Variants in BCL2 observed in about 807,000 individuals in gnomAD.
The protein encoded by BCL2 is apoptosis regulator Bcl-2.
BCL2 carries 1 observed loss-of-function variant against 14.2 expected under a neutral mutation model. The ratio of observed to expected loss-of-function variants is 0.07; its 90% CI spans 0.02 to 0.33. The LOEUF (loss-of-function observed/expected upper bound fraction) is 0.33, where lower values mean the gene tolerates loss of function less well. Ranked by LOEUF, BCL2 falls within the 10% of genes least tolerant of loss-of-function variation. The pLI is 0.99. For synonymous variants in BCL2, 151 were observed against 137.2 expected (o/e 1.10, Z -0.70); for missense variants, 247 against 305.9 (o/e 0.81, Z 1.44).
intron 2 of BCL2, among the ~76,000 whole-genome samples, chr18:63,293,908 T>C (rs918982923): frequency 6.6e-6 from 1 of 152,176 alleles, no homozygotes; most frequent in Non-Finnish European, 1.5e-5. Context: ...CTTTAAATCT[T>C]TTTTAGGAAG....
chr18:63,240,455 C>G (rs530152051), intron 2 of BCL2, among the ~76,000 whole-genome samples: 2 of 152,280 alleles, frequency 1.3e-5, no homozygotes, highest in African/African-American at 4.8e-5. Context: ...TTCAAATGTT[C>G]AAAAATTTTC....
intron 2 of BCL2, among the ~76,000 whole-genome samples, chr18:63,145,777 T>C (rs923359191): frequency 2.0e-5 from 3 of 152,194 alleles, no homozygotes; most frequent in African/African-American, 4.8e-5. Context: ...ACATCTCTAA[T>C]ACACCAAATT....
At chr18:63,182,533 T>TC (rs1435647639) in intron 2 of BCL2, among the ~76,000 whole-genome samples, 1 of 152,090 alleles carries the variant, frequency 6.6e-6, no homozygotes, top group Non-Finnish European at 1.5e-5. Context: ...CATATGCTGC[T>TC]CCCTTGAGAC....
intron 2 of BCL2, among the ~76,000 whole-genome samples, chr18:63,186,911 G>A (rs1159007391): frequency 6.6e-6 from 1 of 152,152 alleles, no homozygotes; most frequent in East Asian, 1.9e-4. Flanking sequence ...TTTTTGTCCT[G>A]ACAAATAAAA....
intron 2 of BCL2, among the ~76,000 whole-genome samples, chr18:63,157,427 T>G (rs1914812628): frequency 6.6e-6 from 1 of 152,212 alleles, no homozygotes; most frequent in East Asian, 1.9e-4. Context: ...GGTGGCTTAT[T>G]TCATGGAAAC....
rs1914581683 is a variant in BCL2, at chr18:63,149,062, G to A, written c.586-20303C>T. Among the ~76,000 whole-genome samples, 1 of 152,224 alleles carries A rather than the reference G, an allele frequency of 6.6e-6. No individual in the cohort carries two copies. The highest frequency in any genetic ancestry group is 2.4e-5 in the African/African-American group (1 of 41,464). ...CCACGAAGTCATAAGTGTGCATGGA[G>A]CAGCGACGTGCTTATGCTGACACCT... is the stretch of plus-strand genomic sequence containing the variant. On this transcript the variant is annotated intron_variant, in intron 2 of 2. Coordinates refer to ENST00000333681, the MANE Select transcript of BCL2 (RefSeq NM_000633.3). The surrounding 1 kb of genome is among the most constrained non-coding windows in gnomAD (Gnocchi z 4.2).
At chr18:63,178,427 A>C (rs2144638733) in intron 2 of BCL2, among the ~76,000 whole-genome samples, 1 of 152,310 alleles carries the variant, frequency 6.6e-6, no homozygotes, top group African/African-American at 2.4e-5. Context: ...CGGTTTATGG[A>C]TGTGGGCGAA....
At chr18:63,192,696 G>A (rs185562963) in intron 2 of BCL2, among the ~76,000 whole-genome samples, 7 of 152,186 alleles carry the variant, frequency 4.6e-5, no homozygotes, top group African/African-American at 1.7e-4. Flanking sequence ...CATTGCATCA[G>A]CTCCAACCTG....
At position 63,136,190 on chromosome 18, in the gene BCL2, CTTGGTCTT is replaced by C. The variant is rs1416404562; in HGVS notation, c.586-7439_586-7432del. Among the ~76,000 whole-genome samples, 5 of 152,202 alleles carry C rather than the reference CTTGGTCTT, an allele frequency of 3.3e-5. 1 individual carries two copies. The South Asian group carries it at 6.2e-4, about 19-fold the overall frequency. ...CTCTTTGACCAATCTCTTTCACTCTCTTGGTCTTATATACCACCCCTATGATAATGTTC... is the reference window on the plus strand; with the variant it reads ...CTCTTTGACCAATCTCTTTCACTCTCATATACCACCCCTATGATAATGTTC... On this transcript the variant is annotated intron_variant, in intron 2 of 2. Coordinates refer to ENST00000333681, the MANE Select transcript of BCL2 (RefSeq NM_000633.3).
chr18:63,166,684 T>C (rs1424841150), intron 2 of BCL2, among the ~76,000 whole-genome samples: 1 of 152,222 alleles, frequency 6.6e-6, no homozygotes, highest in East Asian at 1.9e-4. Context: ...GGGCAGATGC[T>C]ATCACTGTAT....
Position 63,168,549 on chromosome 18 carries a change from G to A in BCL2, c.586-39790C>T, listed in dbSNP as rs117952617. ...CTAACACGGACTGATGACTCTGCAT[G>A]GAGAGTCACAGGAGGCTTATCGTCA... On this transcript the variant is annotated intron_variant, in intron 2 of 2. Coordinates refer to ENST00000333681, the MANE Select transcript of BCL2 (RefSeq NM_000633.3). 6.5e-4 allele frequency among the ~76,000 whole-genome samples: 99 copies of A among 152,290 alleles called. No individual in the cohort carries two copies. In the East Asian group the frequency reaches 0.018, roughly 28 times the overall value.
intron 2 of BCL2, among the ~76,000 whole-genome samples, chr18:63,290,648 A>C (rs946082747): frequency 2.6e-5 from 4 of 152,230 alleles, no homozygotes; most frequent in Non-Finnish European, 5.9e-5. Flanking sequence ...TGAATGAGAT[A>C]GCAGGATGGA....
chr18:63,302,296 C>T lies in BCL2; in HGVS notation c.585+15786G>A, dbSNP rs529406859. 77 of 952,722 alleles carry T rather than the reference C, an allele frequency of 8.1e-5. No homozygotes were observed. The South Asian group carries it at 3.3e-3, about 41-fold the overall frequency. 59.0% of individuals were successfully genotyped at this position (952,722 alleles called of 1,614,324 possible). On this transcript the variant is annotated intron_variant, in intron 2 of 2. Transcript: ENST00000333681. Reference sequence around the variant, plus strand: ...AGCCTGGGCAACAAGAGCAAAACTCCTTCTCAAAAAAAAAAAAAAGAGAGA... The same window carrying T: ...AGCCTGGGCAACAAGAGCAAAACTCTTTCTCAAAAAAAAAAAAAAGAGAGA...
chr18:63,127,593 G>C lies in BCL2; in HGVS notation c.*1032C>G. The C allele has an allele frequency of 4.3e-6, 1 of 231,056 alleles. No individual in the cohort carries two copies. Among genetic ancestry groups the C allele is most frequent in the Non-Finnish European group, 8.6e-6 (1 of 116,598 alleles). The allele number at this position is 231,056 out of a possible 1,614,324, so 14.3% of individuals were successfully genotyped here. ...GATCATCCCTGGAGGAGGCCAGTGA[G>C]GGCCCCGGCTCAGTTCCAGGACCAG... is the stretch of plus-strand genomic sequence containing the variant. On this transcript the variant is annotated 3_prime_UTR_variant, in exon 3 of 3. Coordinates refer to ENST00000333681, the MANE Select transcript of BCL2 (RefSeq NM_000633.3).
At chr18:63,305,271 T>C (rs1475901477) in intron 2 of BCL2, among the ~76,000 whole-genome samples, 2 of 152,234 alleles carry the variant, frequency 1.3e-5, no homozygotes, top group African/African-American at 4.8e-5. Context: ...CAAAATGCAA[T>C]ATATTTCAGT....
At chr18:63,289,761 G>GTGCA (rs1410769630) in intron 2 of BCL2, among the ~76,000 whole-genome samples, 2 of 152,154 alleles carry the variant, frequency 1.3e-5, no homozygotes, top group East Asian at 3.9e-4. Flanking sequence ...AGGCATGGTG[G>GTGCA]TGCATGCCTG....
At chr18:63,176,041 T>A (rs1360230538) in intron 2 of BCL2, among the ~76,000 whole-genome samples, 1 of 152,208 alleles carries the variant, frequency 6.6e-6, no homozygotes, top group African/African-American at 2.4e-5. Context: ...TAAAAAATGA[T>A]CTCAGCTTGA....
chr18:63,127,569 A>T lies in BCL2; in HGVS notation c.*1056T>A, dbSNP rs1913943693. On this transcript the variant is annotated 3_prime_UTR_variant, in exon 3 of 3. Transcript: ENST00000333681. ...ATTCGGAGACCACACTGCCCTGTTG[A>T]TCATCCCTGGAGGAGGCCAGTGAGG... is the stretch of plus-strand genomic sequence containing the variant. 4.3e-6 allele frequency: 1 copy of T among 230,972 alleles called. No homozygotes were observed. Among genetic ancestry groups the T allele is most frequent in the African/African-American group, 2.2e-5 (1 of 45,146 alleles). The allele number at this position is 230,972 out of a possible 1,614,324, so 14.3% of individuals were successfully genotyped here.
At chr18:63,228,673 T>C (rs1910609982) in intron 2 of BCL2, among the ~76,000 whole-genome samples, 1 of 151,800 alleles carries the variant, frequency 6.6e-6, no homozygotes, top group African/African-American at 2.4e-5. Context: ...AATGAATAAA[T>C]GAACGGATCT....
Sources: allele counts gnomAD v4.1 joint callset (sites outside exome capture counted in the v4.1 genomes callset), GRCh38; gene constraint gnomAD v4.1.1; non-coding constraint Gnocchi (gnomAD v3.1); transcripts MANE v1.5; gene names NCBI Gene and HGNC (gene_info 2026-07-23, HGNC 2026-07-21).